Variants in RTEL1 observed in about 807,000 individuals in gnomAD.
The protein encoded by RTEL1 is regulator of telomere length.
A neutral mutation model predicts 162.2 loss-of-function variants in RTEL1; 86 were observed. The ratio of observed to expected loss-of-function variants is 0.53; its 90% CI spans 0.45 to 0.63. RTEL1 has a LOEUF of 0.63. RTEL1 is among the 30% of genes least tolerant of loss of function. The pLI, the probability that RTEL1 is intolerant of heterozygous loss-of-function variation, is 0.00. For missense variants in RTEL1, 1,941 were observed against 1,750.2 expected, an observed-to-expected ratio of 1.11 and a Z score of -1.95; for synonymous variants, 958 against 717.9, an observed-to-expected ratio of 1.33 and a Z score of -5.35.
Position 63,661,590 on chromosome 20 carries a change from C to T in RTEL1, c.301+94C>T, listed in dbSNP as rs968655410. 1.7e-5 allele frequency: 21 copies of T among 1,267,264 alleles called. No homozygotes were observed. The highest frequency in any genetic ancestry group is 9.0e-5 in the African/African-American group (6 of 66,998). 78.5% of individuals were successfully genotyped at this position (1,267,264 alleles called of 1,614,324 possible). ...GGGGTGGGCCCATGGGGACTCCTGC[C>T]GTCTCTCAAGCAGAACTCAAGGAGA... On this transcript the variant is annotated intron_variant, in intron 3 of 34. Coordinates refer to ENST00000360203, the MANE Select transcript of RTEL1 (RefSeq NM_001283009.2). The surrounding 1 kb of genome is among the most constrained non-coding windows in gnomAD (Gnocchi z 5.1).
chr20:63,693,448 G>GCAC lies in RTEL1; in HGVS notation c.2992+170_2992+172dup, dbSNP rs1317237188. 1.2e-4 allele frequency among the ~76,000 whole-genome samples: 5 copies of GCAC among 42,356 alleles called. 1 individual carries two copies. The highest frequency in any genetic ancestry group is 5.2e-4 in the East Asian group (1 of 1,906). The allele number at this position is 42,356 out of a possible 152,430, so 27.8% of individuals were successfully genotyped here. On this transcript the variant is annotated intron_variant, in intron 30 of 34. Transcript: ENST00000360203. ...TCCACCTCCACCACCAGCACCAGCA[G>GCAC]CACCACCTCCACCTCCACCTCCACC... is the stretch of plus-strand genomic sequence containing the variant.
intron 13 of RTEL1, among the ~76,000 whole-genome samples, chr20:63,680,356 T>C (rs1440372338): frequency 6.6e-6 from 1 of 152,208 alleles, no homozygotes; most frequent in African/African-American, 2.4e-5. Flanking sequence ...GTCTCTCCTC[T>C]GCTGCGCTCC....
chr20:63,669,541 C>G (rs1401306930), intron 8 of RTEL1, among the ~76,000 whole-genome samples: 1 of 152,228 alleles, frequency 6.6e-6, no homozygotes, highest in Non-Finnish European at 1.5e-5. Context: ...TTTTTCAGCC[C>G]TCCTCTGATT....
chr20:63,690,772 T>G (rs1160767052), intron 26 of RTEL1, 33 bp from the exon 27 acceptor site: 4 of 1,573,968 alleles, frequency 2.5e-6, no homozygotes, highest in Non-Finnish European at 3.4e-6. Flanking sequence ...GGGCCCCCCG[T>G]GGGCTTCACT....
intron 30 of RTEL1, among the ~76,000 whole-genome samples, chr20:63,693,549 A>ACCT (rs200023177): frequency 1.4e-4 from 2 of 14,504 alleles, no homozygotes; most frequent in Non-Finnish European, 2.8e-4. Context: ...CACCACCACC[A>ACCT]CCACCTCCAC....
At chr20:63,663,558 A>G (rs2090063333) in intron 6 of RTEL1, among the ~76,000 whole-genome samples, 1 of 152,156 alleles carries the variant, frequency 6.6e-6, no homozygotes, top group African/African-American at 2.4e-5. Context: ...CCCCTCGGGT[A>G]TGTCAAGGGC....
At position 63,688,146 on chromosome 20, in the gene RTEL1, G is replaced by A. The variant is rs1367858373; in HGVS notation, c.1603G>A (p.Glu535Lys). Residue 535 changes from glutamate to lysine, a missense_variant, in exon 19 of 35, where the codon GAG (glutamate) becomes AAG (lysine). Transcript: ENST00000360203. ...LSSAFDRRFS[E>K]ECLSSLGKAL... is the part of the protein sequence containing the mutation. ...TGGCCTCTCCGGCTCTAGGTTTTCC[G>A]AGGAGTGCTTATCCTCCCTGGGGAA... 9 of 1,612,308 alleles carry A rather than the reference G, an allele frequency of 5.6e-6. No homozygotes were observed. Among genetic ancestry groups the A allele is most frequent in the Middle Eastern group, 1.6e-4 (1 of 6,084 alleles).
In RTEL1 at chr20:63,666,032, C is replaced by T. The variant is rs773728236; in HGVS notation, c.567C>T (p.Ser189=). ...EEKSLEQELA[S]PILDIEDLVK... is the part of the protein sequence containing the mutation. ...AAAGCCTGGAGCAGGAGCTGGCCAG[C>T]CCCATCCTGGACATTGAGGACTTGG... Residue 189 remains serine (S), a synonymous_variant, in exon 7 of 35, where the codon AGC becomes AGT. Transcript: ENST00000360203. The T allele has an allele frequency of 1.4e-5, 22 of 1,614,024 alleles. No homozygotes were observed. Among genetic ancestry groups the T allele is most frequent in the Non-Finnish European group, 1.6e-5 (19 of 1,180,016 alleles).
At chr20:63,663,520 C>T (rs1232397047) in intron 6 of RTEL1, among the ~76,000 whole-genome samples, 3 of 152,180 alleles carry the variant, frequency 2.0e-5, no homozygotes, top group Admixed American at 6.5e-5. Context: ...CTGTGAGGGC[C>T]GGGGGTGCTT....
At chr20:63,667,640 C>A in intron 8 of RTEL1, 87 bp downstream of exon 8, 1 of 1,106,122 alleles carries the variant, frequency 9.0e-7, no homozygotes, top group Non-Finnish European at 1.4e-6. Flanking sequence ...TTTGCTGCTT[C>A]AGGGCCTTAG....
intron 10 of RTEL1, among the ~76,000 whole-genome samples, chr20:63,677,613 A>T (rs553995737): frequency 6.6e-6 from 1 of 152,326 alleles, no homozygotes; most frequent in East Asian, 1.9e-4. Flanking sequence ...ACCCTGTCTC[A>T]AAAATGAATA....
intron 26 of RTEL1, 84 bp downstream of exon 26, chr20:63,690,525 G>A: frequency 7.0e-7 from 1 of 1,425,812 alleles, no homozygotes; most frequent in Non-Finnish European, 9.3e-7. Context: ...GCCCAGGGCG[G>A]AGGCGACTCA....
intron 8 of RTEL1, among the ~76,000 whole-genome samples, chr20:63,667,913 C>T (rs1228859653): frequency 6.6e-6 from 1 of 151,936 alleles, no homozygotes; most frequent in African/African-American, 2.4e-5. Flanking sequence ...CTCCCCTCTT[C>T]CCAGCGCGTG....
rs553627522 is a variant in RTEL1, at chr20:63,689,117, G to T, written c.1863G>T (p.Ala621=). The stretch of plus-strand genomic sequence containing the variant: ...GGTCCACCGGCGCCACCTTCCTGGC[G>T]GTCTGCCGGGGCAAGGTGAGCTCTC... ...APGSTGATFL[A]VCRGKASEGL... The change falls in exon 22 of 35, where the codon GCG becomes GCT. Residue 621 remains alanine, a synonymous_variant. Transcript: ENST00000360203. The T allele has an allele frequency of 6.2e-7, 1 of 1,609,542 alleles. No individual in the cohort carries two copies. Among genetic ancestry groups the T allele is most frequent in the South Asian group, 1.1e-5 (1 of 91,068 alleles).
rs749428089 is a variant in RTEL1, at chr20:63,689,529, A to G, written c.1906A>G (p.Thr636Ala). Residue 636 changes from threonine to alanine, a missense_variant, in exon 23 of 35, where the codon ACG becomes GCG. Physicochemically the swap from Thr to Ala is moderately conservative, Grantham distance 58. Transcript: ENST00000360203. ...KASEGLDFSD[T>A]NGRGVIVTGL... is the part of the protein sequence containing the mutation. ...CAGCGAGGGGCTGGACTTCTCAGAC[A>G]CGAATGGCCGTGGTGTGATTGTCAC... The G allele has an allele frequency of 5.6e-6, 9 of 1,609,104 alleles. No individual in the cohort carries two copies. In the Admixed American group the frequency reaches 1.5e-4, roughly 27 times the overall value.
chr20:63,693,460 C>T (rs2090832963), intron 30 of RTEL1, among the ~76,000 whole-genome samples, 177 bp downstream of exon 30: 2 of 11,922 alleles, frequency 1.7e-4, no homozygotes, highest in Non-Finnish European at 3.8e-4. Flanking sequence ...ACCACCTCCA[C>T]CTCCACCTCC....
intron 10 of RTEL1, among the ~76,000 whole-genome samples, chr20:63,677,582 C>T (rs2090382528): frequency 6.6e-6 from 1 of 152,204 alleles, no homozygotes. Flanking sequence ...TGCTGCACCC[C>T]TGCCTGGGTG....
At chr20:63,692,737 G>A (rs896694858) in intron 28 of RTEL1, 68 bp from the exon 29 acceptor site, 13 of 1,465,110 alleles carry the variant, frequency 8.9e-6, no homozygotes, top group African/African-American at 8.4e-5. Context: ...TTCCAAGGAA[G>A]GCTCTGCAGC....
rs536434109 is a variant in RTEL1 at position 63,693,340 on chromosome 20, A to G, written c.2992+57A>G. On this transcript the variant is annotated intron_variant, in intron 30 of 34. Transcript: ENST00000360203. Reference sequence around the variant, plus strand: ...TCCTGCGTGGAAGGCAGTGTGGGCCAGAGTCCTGGGCTGCTTGGGGTGGGC... The same window carrying G: ...TCCTGCGTGGAAGGCAGTGTGGGCCGGAGTCCTGGGCTGCTTGGGGTGGGC... 242 of 1,601,760 alleles carry G rather than the reference A, an allele frequency of 1.5e-4. 1 individual carries two copies. Among genetic ancestry groups the G allele is most frequent in the Middle Eastern group, 1.4e-3 (8 of 5,548 alleles).
Sources: gnomAD v4.1 joint callset for allele counts (sites outside exome capture counted in the v4.1 genomes callset) on GRCh38, gnomAD v4.1.1 for gene constraint, Gnocchi (gnomAD v3.1) non-coding constraint, MANE v1.5 for transcripts, NCBI Gene and HGNC (gene_info 2026-07-23, HGNC 2026-07-21) for gene names.